CACNA1D: variants seen among roughly 807,000 people sequenced by gnomAD.
The protein encoded by CACNA1D is voltage-dependent L-type calcium channel subunit alpha-1D.
A neutral mutation model predicts 257.1 loss-of-function variants in CACNA1D; 55 were observed. That is an observed-to-expected ratio of 0.21 (90% CI 0.17 to 0.27). The LOEUF is 0.27. CACNA1D is among the 10% of genes least tolerant of loss of function. CACNA1D has a pLI of 1.00. For missense variants in CACNA1D, 1,876 were observed against 2,784.0 expected, an observed-to-expected ratio of 0.67 and a Z score of 7.34; for synonymous variants, 980 against 1,014.9, an observed-to-expected ratio of 0.97 and a Z score of 0.65.
At chr3:53,787,452 T>TGTGTGA (rs780595738) in intron 40 of CACNA1D, among the ~76,000 whole-genome samples, 1 of 150,512 alleles carries the variant, frequency 6.6e-6, no homozygotes, top group Non-Finnish European at 1.5e-5. Context: ...TGTGTGTGTG[T>TGTGTGA]GTATGTATGT....
chr3:53,792,216 G>C (rs183530836), intron 40 of CACNA1D: 5 of 152,292 alleles, frequency 3.3e-5, no homozygotes, highest in Admixed American at 2.0e-4. Flanking sequence ...AGGTAACCCT[G>C]CAGGTTGCAT....
chr3:53,545,776 A>G (rs1490654347), intron 3 of CACNA1D, among the ~76,000 whole-genome samples: 1 of 152,214 alleles, frequency 6.6e-6, no homozygotes, highest in East Asian at 1.9e-4. Flanking sequence ...GATTCAGGGC[A>G]CAGGATAAAA....
intron 29 of CACNA1D, among the ~76,000 whole-genome samples, chr3:53,758,475 G>A (rs1232364445): frequency 2.6e-5 from 4 of 152,150 alleles, no homozygotes; most frequent in East Asian, 1.9e-4. Flanking sequence ...CATGTGCAAC[G>A]CCTGTGCCAT....
intron 40 of CACNA1D, among the ~76,000 whole-genome samples, chr3:53,795,360 T>C (rs1046312243): frequency 1.1e-3 from 171 of 152,344 alleles, no homozygotes; most frequent in Non-Finnish European, 3.5e-4. Context: ...AAGTGTGTGA[T>C]TCAGACTCCA....
At chr3:53,780,803 T>TG (rs1418577064) in intron 38 of CACNA1D, among the ~76,000 whole-genome samples, 1 of 150,224 alleles carries the variant, frequency 6.7e-6, no homozygotes, top group Admixed American at 6.6e-5. Context: ...GACCAGGAGG[T>TG]GGGGGGAGGT....
At chr3:53,805,897 C>T (rs1213593767) in intron 45 of CACNA1D, among the ~76,000 whole-genome samples, 4 of 134,686 alleles carry the variant, frequency 3.0e-5, no homozygotes, top group Non-Finnish European at 6.4e-5. Context: ...GCATCTTCTC[C>T]TCCTCCCTCA....
chr3:53,744,489 C>T (rs1357520732), intron 22 of CACNA1D, among the ~76,000 whole-genome samples: 1 of 152,244 alleles, frequency 6.6e-6, no homozygotes, highest in Non-Finnish European at 1.5e-5. Context: ...TGAGTTGTGT[C>T]TCTGCCAAGG....
chr3:53,781,545 C>T (rs779759702), intron 38 of CACNA1D, 21 bp from the exon 39 acceptor site: 3 of 1,527,580 alleles, frequency 2.0e-6, no homozygotes, highest in African/African-American at 1.4e-5. Flanking sequence ...TTGCTTTTCC[C>T]CTTTTGTTTT....
At chr3:53,585,929 C>T (rs1219112606) in intron 3 of CACNA1D, among the ~76,000 whole-genome samples, 2 of 152,092 alleles carry the variant, frequency 1.3e-5, no homozygotes, top group Admixed American at 6.6e-5. Context: ...ACTGGCATAC[C>T]ACGGGGATTT....
At chr3:53,810,640 C>A (rs2106911062) in intron 47 of CACNA1D, 1 of 368,472 alleles carries the variant, frequency 2.7e-6, no homozygotes, top group Non-Finnish European at 5.2e-6. Flanking sequence ...TGCCTGTAAT[C>A]CCAGCTACTC....
intron 3 of CACNA1D, among the ~76,000 whole-genome samples, chr3:53,582,711 C>T (rs1413418805): frequency 6.6e-6 from 1 of 152,094 alleles, no homozygotes; most frequent in Non-Finnish European, 1.5e-5. Context: ...ACATCACCTC[C>T]CAAGCCCCCC....
At chr3:53,692,320 AG>A (rs2094536208) in intron 8 of CACNA1D, among the ~76,000 whole-genome samples, 3 of 152,162 alleles carry the variant, frequency 2.0e-5, no homozygotes, top group Admixed American at 2.0e-4. Context: ...GGTAGAGAAA[AG>A]TCTTTATGTC....
intron 3 of CACNA1D, among the ~76,000 whole-genome samples, chr3:53,635,223 G>A (rs1386873594): frequency 6.6e-6 from 1 of 152,156 alleles, no homozygotes; most frequent in Non-Finnish European, 1.5e-5. Context: ...GCCTGCTGGA[G>A]GACACATGTG....
In CACNA1D at chr3:53,762,046, G is replaced by A; in HGVS notation, c.3835G>A (p.Gly1279Ser). 1 of 1,613,796 alleles carries A rather than the reference G, an allele frequency of 6.2e-7. No homozygotes were observed. ...CACGTTTGACTCCCTCATCGTAATC[G>A]GCAGCATTATAGACGTGGCCCTCAG... ...WNTFDSLIVI[G>S]SIIDVALSEA... Residue 1279 changes from glycine to serine, a missense_variant, in exon 30 of 48, where the codon GGC (glycine) becomes AGC (serine). By Grantham distance (56) the Gly-to-Ser change is moderately conservative. Transcript: ENST00000350061.
intron 3 of CACNA1D, among the ~76,000 whole-genome samples, chr3:53,635,960 C>T (rs768651372): frequency 1.2e-4 from 19 of 152,134 alleles, no homozygotes; most frequent in Non-Finnish European, 2.5e-4. Flanking sequence ...AACCAACCAC[C>T]GGAAATTCAC....
chr3:53,646,953 A>G (rs1576218872), intron 3 of CACNA1D, among the ~76,000 whole-genome samples: 2 of 152,214 alleles, frequency 1.3e-5, no homozygotes, highest in Non-Finnish European at 2.9e-5. Context: ...TCTGTTTCTC[A>G]AGATTCTGTA....
intron 3 of CACNA1D, among the ~76,000 whole-genome samples, chr3:53,517,056 G>A (rs560254614): frequency 9.8e-5 from 15 of 152,322 alleles, no homozygotes; most frequent in African/African-American, 3.4e-4. Flanking sequence ...TGGTCATAAA[G>A]CAGGAGGTAA....
chr3:53,696,078 C>T (rs1446048028), intron 8 of CACNA1D, among the ~76,000 whole-genome samples: 1 of 152,184 alleles, frequency 6.6e-6, no homozygotes, highest in African/African-American at 2.4e-5. Flanking sequence ...ATCCTCCTGC[C>T]TCAGCCTCCT....
chr3:53,751,638 C>T lies in CACNA1D; in HGVS notation c.3517-111C>T, dbSNP rs1426444973. The T allele has an allele frequency of 2.8e-5, 30 of 1,075,900 alleles. No individual in the cohort carries two copies. The highest frequency in any genetic ancestry group is 4.7e-5 in the East Asian group (2 of 42,154). The allele number at this position is 1,075,900 out of a possible 1,614,324, so 66.6% of individuals were successfully genotyped here. A position where few individuals can be genotyped will look rare whatever the true frequency, so the allele number is the denominator to read the frequency against. Reference sequence around the variant, plus strand: ...TCGTAATCATTTTCACCATCGTCCACGGCCCCTTCCCGGGAGCTGTAGGGT... The same window carrying T: ...TCGTAATCATTTTCACCATCGTCCATGGCCCCTTCCCGGGAGCTGTAGGGT... On this transcript the variant is annotated intron_variant, in intron 27 of 47. Transcript: ENST00000350061. The surrounding 1 kb of genome is among the most constrained non-coding windows in gnomAD (Gnocchi z 4.3).
Sources: gnomAD v4.1 joint callset for allele counts (sites outside exome capture counted in the v4.1 genomes callset) on GRCh38, gnomAD v4.1.1 for gene constraint, Gnocchi (gnomAD v3.1) non-coding constraint, MANE v1.5 for transcripts, NCBI Gene and HGNC (gene_info 2026-07-23, HGNC 2026-07-21) for gene names.